ADCY2: variants seen among roughly 807,000 people sequenced by gnomAD.
ADCY2 encodes adenylate cyclase type 2.
ADCY2 carries 31 observed loss-of-function variants against 125.2 expected under a neutral mutation model. The ratio of observed to expected loss-of-function variants is 0.25; its 90% confidence interval spans 0.19 to 0.33. The LOEUF (loss-of-function observed/expected upper bound fraction) is 0.33. ADCY2 is among the 10% of genes least tolerant of loss of function. The pLI is 1.00. For missense variants in ADCY2, 904 were observed against 1,418.2 expected (o/e 0.64, Z 5.82); for synonymous variants, 512 against 548.4 (o/e 0.93, Z 0.93).
chr5:7,613,186 G>A (rs1042911893), intron 3 of ADCY2, among the ~76,000 whole-genome samples: 2 of 151,978 alleles, frequency 1.3e-5, no homozygotes, highest in African/African-American at 4.8e-5. Context: ...GCACACAAGA[G>A]CTGTTAACTC....
At chr5:7,592,488 AG>A (rs747741387) in intron 3 of ADCY2, among the ~76,000 whole-genome samples, 5 of 152,180 alleles carry the variant, frequency 3.3e-5, no homozygotes, top group Non-Finnish European at 4.4e-5. Context: ...CCCAGTGGGA[AG>A]ACGTAATGCC....
chr5:7,581,819 C>CAAAAAAAA (rs59841590), intron 3 of ADCY2, among the ~76,000 whole-genome samples: 3 of 123,834 alleles, frequency 2.4e-5, no homozygotes, highest in Admixed American at 8.8e-5. Context: ...GACTCAGTCT[C>CAAAAAAAA]AAAAAAAAAA....
chr5:7,757,356 G>C, intron 15 of ADCY2, 93 bp from the exon 16 acceptor site: 1 of 1,466,228 alleles, frequency 6.8e-7, no homozygotes, highest in Non-Finnish European at 9.3e-7. Flanking sequence ...GAACAATGTT[G>C]GTGCTTCTTG....
chr5:7,788,241 T>G (rs904663288), intron 19 of ADCY2, among the ~76,000 whole-genome samples: 1 of 152,186 alleles, frequency 6.6e-6, no homozygotes, highest in South Asian at 2.1e-4. Context: ...GTGCAGTGGC[T>G]CAATCTCTGC....
intron 3 of ADCY2, among the ~76,000 whole-genome samples, chr5:7,523,682 A>G (rs1318351479): frequency 1.3e-5 from 2 of 152,146 alleles, no homozygotes; most frequent in South Asian, 4.2e-4. Flanking sequence ...TAAAAATACC[A>G]CTGGTTTGAG....
intron 3 of ADCY2, among the ~76,000 whole-genome samples, chr5:7,606,607 C>G (rs943685930): frequency 6.6e-6 from 1 of 152,082 alleles, no homozygotes; most frequent in Non-Finnish European, 1.5e-5. Context: ...GAAGTGTGAT[C>G]CCCTCATTAA....
In ADCY2 at chr5:7,566,450, C is replaced by T. The variant is rs148828600; in HGVS notation, c.570+45551C>T. On this transcript the variant is annotated intron_variant, in intron 3 of 24. Transcript: ENST00000338316. ...GTTTGAAGCTCCAGTGAGATACGAT[C>T]GAGCCACTGGACTCCAACCAGGGTG... 1.2e-3 allele frequency among the ~76,000 whole-genome samples: 181 copies of T among 152,078 alleles called. 2 individuals are homozygous for T. In the East Asian group the frequency reaches 0.022, roughly 19 times the overall value.
intron 3 of ADCY2, among the ~76,000 whole-genome samples, chr5:7,524,557 C>T (rs1734380053): frequency 6.6e-6 from 1 of 152,228 alleles, no homozygotes; most frequent in South Asian, 2.1e-4. Context: ...TCTCTTTGAT[C>T]TTCTACAGGA....
intron 3 of ADCY2, among the ~76,000 whole-genome samples, chr5:7,575,419 G>T (rs887677857): frequency 9.9e-5 from 15 of 152,054 alleles, no homozygotes; most frequent in Admixed American, 7.9e-4. Context: ...ATGTATGATT[G>T]CTTAGGTTTC....
intron 4 of ADCY2, among the ~76,000 whole-genome samples, chr5:7,680,027 C>G (rs1007356008): frequency 3.3e-5 from 5 of 152,052 alleles, no homozygotes; most frequent in Non-Finnish European, 5.9e-5. Context: ...AGTGATGGGC[C>G]ACAGAGTCCA....
intron 2 of ADCY2, among the ~76,000 whole-genome samples, chr5:7,425,570 G>T (rs555252269): frequency 1.3e-5 from 2 of 152,328 alleles, no homozygotes; most frequent in Non-Finnish European, 2.9e-5. Flanking sequence ...TAAATTCAGA[G>T]TTTAAATTAT....
In ADCY2 at chr5:7,727,250, C is replaced by G; in HGVS notation, c.1860C>G (p.Leu620=). ...IFFCIFIVQI[L]VLPKTSVLGI... is the part of the protein sequence containing the mutation. ...TCTGCATCTTCATTGTGCAGATTCTCGTGCTGCCAAAGTAAGTACTTCTGG... is the reference window on the plus strand; with the variant it reads ...TCTGCATCTTCATTGTGCAGATTCTGGTGCTGCCAAAGTAAGTACTTCTGG... The change falls in exon 14 of 25, where the codon CTC becomes CTG. Residue 620 remains leucine (L), a synonymous_variant. Coordinates refer to ENST00000338316, the MANE Select transcript of ADCY2 (RefSeq NM_020546.3). 6.2e-7 allele frequency: 1 copy of G among 1,613,870 alleles called. No homozygotes were observed. The highest frequency in any genetic ancestry group is 1.3e-5 in the African/African-American group (1 of 75,038).
At chr5:7,796,467 A>G (rs1744424900) in intron 20 of ADCY2, 1 of 152,196 alleles carries the variant, frequency 6.6e-6, no homozygotes, top group South Asian at 2.1e-4. Flanking sequence ...GCACAAAAGG[A>G]AATTAATTTC....
At chr5:7,527,054 T>G (rs1734496864) in intron 3 of ADCY2, among the ~76,000 whole-genome samples, 1 of 152,234 alleles carries the variant, frequency 6.6e-6, no homozygotes, top group Non-Finnish European at 1.5e-5. Flanking sequence ...CAAGGAGTCT[T>G]TTTTGCTTAC....
intron 2 of ADCY2, among the ~76,000 whole-genome samples, chr5:7,520,165 A>G (rs1744390461): frequency 6.6e-6 from 1 of 152,164 alleles, no homozygotes; most frequent in African/African-American, 2.4e-5. Context: ...TTGGAAATAT[A>G]CACAGGAGTA....
intron 4 of ADCY2, among the ~76,000 whole-genome samples, chr5:7,678,045 C>T (rs1740195530): frequency 6.6e-6 from 1 of 152,126 alleles, no homozygotes; most frequent in South Asian, 2.1e-4. Flanking sequence ...GTTGAGAATT[C>T]CTGAGTTTGT....
intron 3 of ADCY2, among the ~76,000 whole-genome samples, chr5:7,615,396 G>T (rs1304839068): frequency 6.6e-6 from 1 of 152,020 alleles, no homozygotes; most frequent in African/African-American, 2.4e-5. Context: ...GCTCTTTCTT[G>T]CAAGCCATCT....
chr5:7,557,817 A>G (rs1579571057), intron 3 of ADCY2, among the ~76,000 whole-genome samples: 2 of 152,196 alleles, frequency 1.3e-5, no homozygotes, highest in East Asian at 1.9e-4. Flanking sequence ...TAGTGCTGCA[A>G]TGAACATACA....
rs1742427712 is a variant in ADCY2, at chr5:7,741,735, C to CATCCCT, written c.1872-1930_1872-1929insCCTATC. 1.7e-4 allele frequency among the ~76,000 whole-genome samples: 19 copies of CATCCCT among 109,396 alleles called. 5 individuals are homozygous for CATCCCT. Among genetic ancestry groups the CATCCCT allele is most frequent in the African/African-American group, 4.2e-4 (11 of 26,026 alleles). The allele number at this position is 109,396 out of a possible 152,430, so 71.8% of individuals were successfully genotyped here. ...CTATCACCATCACTATCATCATCAC[C>CATCCCT]ATCACCATCACCATCACCATCCCTA... On this transcript the variant is annotated intron_variant, in intron 14 of 24. Transcript: ENST00000338316.
Sources: allele counts gnomAD v4.1 joint callset (sites outside exome capture counted in the v4.1 genomes callset), GRCh38; gene constraint gnomAD v4.1.1; transcripts MANE v1.5; gene names NCBI Gene and HGNC (gene_info 2026-07-23, HGNC 2026-07-21).